Variants in HPSE2 observed in about 807,000 individuals in gnomAD.
The protein encoded by HPSE2 is inactive heparanase-2.
In HPSE2, 38 loss-of-function variants were observed where a neutral mutation model predicts 60.5. The ratio of observed to expected loss-of-function variants is 0.63; its 90% CI spans 0.48 to 0.82. HPSE2 has a LOEUF of 0.82. Among genes scored for constraint, HPSE2 ranks in the 40% least tolerant of loss-of-function variants. HPSE2 has a pLI of 0.00. For synonymous variants in HPSE2, 295 were observed against 293.2 expected (o/e 1.01, Z -0.06); for missense variants, 713 against 740.4 (o/e 0.96, Z 0.43).
At chr10:99,059,778 G>A (rs1490154985) in intron 3 of HPSE2, among the ~76,000 whole-genome samples, 1 of 151,856 alleles carries the variant, frequency 6.6e-6, no homozygotes, top group East Asian at 1.9e-4. Flanking sequence ...CTCACTAAAG[G>A]GACTACACAT....
intron 2 of HPSE2, among the ~76,000 whole-genome samples, chr10:99,151,249 A>G (rs1156505206): frequency 2.0e-5 from 3 of 152,106 alleles, no homozygotes; most frequent in African/African-American, 7.2e-5. Context: ...CATGCAAAAA[A>G]AAAAAATCAG....
At chr10:99,300,283 G>A in the HPSE2 span, among the ~76,000 whole-genome samples, 1 of 152,160 alleles carries the variant, frequency 6.6e-6, no homozygotes, top group African/African-American at 2.4e-5. Context: ...GGCCAAGAAG[G>A]TAGAGGACTG....
chr10:99,193,150 G>A (rs2133865010), intron 2 of HPSE2, among the ~76,000 whole-genome samples: 1 of 152,146 alleles, frequency 6.6e-6, no homozygotes, highest in East Asian at 1.9e-4. Context: ...AAAGCAGAGG[G>A]GAAAGAGTAG....
intron 6 of HPSE2, among the ~76,000 whole-genome samples, chr10:98,674,655 C>T (rs1947589695): frequency 6.6e-6 from 1 of 152,224 alleles, no homozygotes; most frequent in African/African-American, 2.4e-5. Flanking sequence ...TGATTCAGGT[C>T]TGTAATCCCA....
In HPSE2 at chr10:98,548,258, A is replaced by T. The variant is rs540959301; in HGVS notation, c.1321-58062T>A. On this transcript the variant is annotated intron_variant, in intron 9 of 11. Transcript: ENST00000370552. ...TGACTTAGTGAATGGTGCTAGACAGAAAAAAGTATATTGTTGACAGTGGGT... is the reference window on the plus strand; with the variant it reads ...TGACTTAGTGAATGGTGCTAGACAGTAAAAAGTATATTGTTGACAGTGGGT... 7.9e-5 allele frequency among the ~76,000 whole-genome samples: 12 copies of T among 152,288 alleles called. No homozygotes were observed. The South Asian group carries it at 1.0e-3, about 13-fold the overall frequency.
chr10:98,652,555 A>G (rs990015788), intron 6 of HPSE2, among the ~76,000 whole-genome samples: 1 of 151,952 alleles, frequency 6.6e-6, no homozygotes, highest in Non-Finnish European at 1.5e-5. Flanking sequence ...CCCATTCCCA[A>G]TCTCCCACTA....
chr10:98,632,006 A>C (rs2134012793), intron 7 of HPSE2, among the ~76,000 whole-genome samples: 1 of 152,306 alleles, frequency 6.6e-6, no homozygotes, highest in South Asian at 2.1e-4. Flanking sequence ...TCTCCTTTGA[A>C]AGCCTTCCTA....
At position 99,060,782 on chromosome 10, in the gene HPSE2, C is replaced by T. The variant is rs577318507; in HGVS notation, c.610+83456G>A. Among the ~76,000 whole-genome samples, 238 of 151,434 alleles carry T rather than the reference C, an allele frequency of 1.6e-3. 1 individual carries two copies. The highest frequency in any genetic ancestry group is 3.5e-3 in the Middle Eastern group (1 of 286). ...TATTTAGCCATAAAAAGAATGAGAT[C>T]CTGTCATTTGCAAAAACACAAATGG... On this transcript the variant is annotated intron_variant, in intron 3 of 11. Transcript: ENST00000370552.
intron 9 of HPSE2, among the ~76,000 whole-genome samples, chr10:98,522,822 G>C (rs1942842517): frequency 6.6e-6 from 1 of 152,180 alleles, no homozygotes; most frequent in Non-Finnish European, 1.5e-5. Flanking sequence ...ACAGTGTAGA[G>C]AAAAGGCAGA....
chr10:99,172,680 C>T (rs1435815652), intron 2 of HPSE2, among the ~76,000 whole-genome samples: 3 of 152,150 alleles, frequency 2.0e-5, no homozygotes, highest in Non-Finnish European at 2.9e-5. Context: ...AAGTTCCAGA[C>T]CAGCCTGGCC....
intron 2 of HPSE2, among the ~76,000 whole-genome samples, chr10:99,220,825 T>G (rs868048787): frequency 2.4e-3 from 315 of 133,498 alleles, no homozygotes; most frequent in Middle Eastern, 8.2e-3. Context: ...AAAAAAAAAG[T>G]GGGAATGGAA....
chr10:98,650,524 C>A (rs1208069794), intron 6 of HPSE2, among the ~76,000 whole-genome samples: 3 of 152,184 alleles, frequency 2.0e-5, no homozygotes, highest in Admixed American at 6.5e-5. Flanking sequence ...GCCTGGAGAA[C>A]TTACTTACAA....
At chr10:98,886,708 C>A (rs905573627) in intron 3 of HPSE2, among the ~76,000 whole-genome samples, 17 of 152,034 alleles carry the variant, frequency 1.1e-4, no homozygotes, top group African/African-American at 3.9e-4. Flanking sequence ...GATTGGTAAG[C>A]TAATCAGTAG....
chr10:99,052,049 G>A (rs533716213), intron 3 of HPSE2, among the ~76,000 whole-genome samples: 3 of 151,288 alleles, frequency 2.0e-5, no homozygotes, highest in African/African-American at 7.3e-5. Flanking sequence ...ACTCTACAGG[G>A]TAATAAAAAT....
intron 4 of HPSE2, among the ~76,000 whole-genome samples, chr10:98,729,530 A>T (rs1339461864): frequency 6.6e-6 from 1 of 152,110 alleles, no homozygotes; most frequent in Non-Finnish European, 1.5e-5. Context: ...AATGGCGTGA[A>T]CCTGATAGGT....
At chr10:98,616,774 T>C (rs559291308) in intron 8 of HPSE2, among the ~76,000 whole-genome samples, 35 of 152,306 alleles carry the variant, frequency 2.3e-4, no homozygotes, top group African/African-American at 8.4e-4. Flanking sequence ...AATTGGAACA[T>C]TGTGACCCAG....
At chr10:98,460,559 G>T (rs1940244696) in intron 11 of HPSE2, among the ~76,000 whole-genome samples, 1 of 152,082 alleles carries the variant, frequency 6.6e-6, no homozygotes, top group South Asian at 2.1e-4. Context: ...GCTGCAGTGA[G>T]CCAAGATTAC....
At chr10:98,630,183 GTTTTTTTTTTTGTT>G (rs931864164) in intron 7 of HPSE2, among the ~76,000 whole-genome samples, 5 of 129,928 alleles carry the variant, frequency 3.8e-5, no homozygotes, top group African/African-American at 1.2e-4. Context: ...CGAAGCAATC[GTTTTTTTTTTTGTT>G]TTTTTTTTTT....
At chr10:98,648,779 C>T (rs1055356207) in intron 6 of HPSE2, among the ~76,000 whole-genome samples, 2 of 152,142 alleles carry the variant, frequency 1.3e-5, no homozygotes, top group Middle Eastern at 6.8e-3. Flanking sequence ...CTACAAAACA[C>T]ATAATAGATA....
Sources: gnomAD v4.1 joint callset for allele counts (sites outside exome capture counted in the v4.1 genomes callset) on GRCh38, gnomAD v4.1.1 for gene constraint, MANE v1.5 for transcripts, NCBI Gene and HGNC (gene_info 2026-07-23, HGNC 2026-07-21) for gene names.